RHBDD1: variants seen among roughly 807,000 people sequenced by gnomAD.
RHBDD1 encodes the protein rhomboid domain containing 1, also known as rhomboid-related protein 4.
In RHBDD1, 38 loss-of-function variants were observed where a neutral mutation model predicts 36.3. The observed-to-expected ratio is 1.05, with a 90% CI of 0.81 to 1.37. The LOEUF (loss-of-function observed/expected upper bound fraction) is 1.37, where lower values mean the gene tolerates loss of function less well. Among genes scored for constraint, RHBDD1 ranks in the 40% most tolerant of loss-of-function variants. RHBDD1 has a pLI of 0.00. For missense variants in RHBDD1, 393 were observed against 377.6 expected (o/e 1.04, Z -0.34); for synonymous variants, 151 against 136.5 (o/e 1.11, Z -0.74).
intron 3 of RHBDD1, among the ~76,000 whole-genome samples, chr2:226,844,355 G>A (rs1180747095): frequency 6.6e-6 from 1 of 150,446 alleles, no homozygotes; most frequent in Non-Finnish European, 1.5e-5. Flanking sequence ...AAAGAATGAA[G>A]TATTGATGCT....
intron 3 of RHBDD1, 148 bp from the exon 4 acceptor site, chr2:226,864,456 G>A (rs1944146455): frequency 8.1e-6 from 4 of 496,106 alleles, no homozygotes; most frequent in Middle Eastern, 5.1e-4. Context: ...CAGCATCCTC[G>A]ATATTACTCT....
At chr2:226,892,545 A>G (rs1284810212) in intron 5 of RHBDD1, among the ~76,000 whole-genome samples, 2 of 152,238 alleles carry the variant, frequency 1.3e-5, no homozygotes, top group Non-Finnish European at 2.9e-5. Flanking sequence ...ATCTTTTGAA[A>G]TAAGTTCATG....
At chr2:226,976,710 G>A (rs984661117) in intron 8 of RHBDD1, among the ~76,000 whole-genome samples, 91 of 152,136 alleles carry the variant, frequency 6.0e-4, no homozygotes, top group African/African-American at 2.1e-3. Context: ...GTACCTTAAC[G>A]GGGCCTGGGT....
intron 5 of RHBDD1, among the ~76,000 whole-genome samples, chr2:226,891,823 G>A (rs1946713095): frequency 6.6e-6 from 1 of 152,236 alleles, no homozygotes; most frequent in African/African-American, 2.4e-5. Flanking sequence ...ACCTGGGCTG[G>A]AAGAACCTGT....
intron 8 of RHBDD1, among the ~76,000 whole-genome samples, chr2:226,946,801 C>T (rs551496629): frequency 5.3e-5 from 8 of 152,172 alleles, no homozygotes; most frequent in African/African-American, 1.4e-4. Flanking sequence ...AGGAAGAAGT[C>T]GAATCCCTGA....
intron 3 of RHBDD1, among the ~76,000 whole-genome samples, chr2:226,860,631 G>T (rs1199657303): frequency 1.3e-5 from 2 of 152,120 alleles, no homozygotes; most frequent in Non-Finnish European, 2.9e-5. Context: ...CCCTCACCTT[G>T]GATGGCTGAC....
At chr2:226,980,990 G>A (rs1194602279) in intron 8 of RHBDD1, among the ~76,000 whole-genome samples, 1 of 152,222 alleles carries the variant, frequency 6.6e-6, no homozygotes, top group Non-Finnish European at 1.5e-5. Flanking sequence ...AGTTCAGTTT[G>A]AGACTGAGGC....
At chr2:226,824,936 C>G in the RHBDD1 span, among the ~76,000 whole-genome samples, 1 of 152,214 alleles carries the variant, frequency 6.6e-6, no homozygotes, top group African/African-American at 2.4e-5. Flanking sequence ...AAACCACTTT[C>G]AGACTACAGG....
rs757839993 is a variant in RHBDD1 at position 226,907,051 on chromosome 2, G to A, written c.655+170G>A. On this transcript the variant is annotated intron_variant, in intron 6 of 8. Transcript: ENST00000392062. ...AACAACCAGTGCAGTTCCTTACATT[G>A]CTCCACAAAAGAGGCTGCAAACTTA... 5.8e-6 allele frequency: 4 copies of A among 692,534 alleles called. No individual in the cohort carries two copies. The South Asian group carries it at 6.7e-5, about 12-fold the overall frequency. The allele number at this position is 692,534 out of a possible 1,614,324, so 42.9% of individuals were successfully genotyped here.
the RHBDD1 span, among the ~76,000 whole-genome samples, chr2:226,801,214 C>A: frequency 6.6e-6 from 1 of 152,166 alleles, no homozygotes; most frequent in Non-Finnish European, 1.5e-5. Flanking sequence ...CCCGGCGGGC[C>A]GCGGGGGAGC....
chr2:226,954,121 A>G (rs981421317), intron 8 of RHBDD1, among the ~76,000 whole-genome samples: 5 of 152,206 alleles, frequency 3.3e-5, no homozygotes, highest in Non-Finnish European at 4.4e-5. Flanking sequence ...AGGATGGCAA[A>G]TAAAACAGAC....
intron 3 of RHBDD1, among the ~76,000 whole-genome samples, chr2:226,853,440 G>T (rs532681588): frequency 1.6e-3 from 251 of 152,306 alleles, no homozygotes; most frequent in African/African-American, 5.8e-3. Context: ...CTTGAGGCAG[G>T]CCAGGCTGCT....
At chr2:226,862,691 TC>T (rs1282386861) in intron 3 of RHBDD1, among the ~76,000 whole-genome samples, 2 of 152,204 alleles carry the variant, frequency 1.3e-5, no homozygotes, top group African/African-American at 4.8e-5. Context: ...CCTGGCTTAG[TC>T]CGTTTAGGGT....
At chr2:226,976,073 T>C (rs1273296399) in intron 8 of RHBDD1, among the ~76,000 whole-genome samples, 2 of 151,484 alleles carry the variant, frequency 1.3e-5, no homozygotes, top group African/African-American at 2.4e-5. Context: ...CTATGTGCAG[T>C]ATGGATTGGA....
the RHBDD1 span, among the ~76,000 whole-genome samples, chr2:226,829,268 T>C: frequency 6.6e-6 from 1 of 152,254 alleles, no homozygotes; most frequent in Non-Finnish European, 1.5e-5. Flanking sequence ...TCACGATTAC[T>C]ATAACTTTAT....
chr2:226,988,343 C>G (rs1957457537), intron 8 of RHBDD1: 2 of 1,549,866 alleles, frequency 1.3e-6, no homozygotes, highest in East Asian at 2.4e-5. Flanking sequence ...AAAACCAGGT[C>G]ATAAAGAGAC....
chr2:226,992,991 T>G lies in RHBDD1; in HGVS notation c.857-2440T>G, dbSNP rs377427530. On this transcript the variant is annotated intron_variant, in intron 8 of 8. Transcript: ENST00000392062. ...GCTTTATAAAGAAGAGTGTGATGAT[T>G]ATTCTTCTCATGACATGAGTTTTCT... Among the ~76,000 whole-genome samples the G allele has an allele frequency of 5.5e-4, 83 of 152,240 alleles. 3 individuals are homozygous for G. The highest frequency in any genetic ancestry group is 2.1e-3 in the South Asian group (10 of 4,818).
chr2:226,958,963 C>T (rs552128893), intron 8 of RHBDD1, among the ~76,000 whole-genome samples: 25 of 152,088 alleles, frequency 1.6e-4, no homozygotes, highest in East Asian at 3.9e-4. Context: ...CTGGTTAGCG[C>T]GATAAACCTC....
At chr2:226,904,255 G>A (rs989237377) in intron 5 of RHBDD1, among the ~76,000 whole-genome samples, 2 of 152,244 alleles carry the variant, frequency 1.3e-5, no homozygotes, top group East Asian at 1.9e-4. Flanking sequence ...TTCAGGAGTC[G>A]CAGATACACA....
Sources: allele counts gnomAD v4.1 joint callset (sites outside exome capture counted in the v4.1 genomes callset), GRCh38; gene constraint gnomAD v4.1.1; transcripts MANE v1.5; gene names NCBI Gene and HGNC (gene_info 2026-07-23, HGNC 2026-07-21).